The following PRORP variants were observed in gnomAD, a reference collection of about 807,000 sequenced individuals.
PRORP encodes protein only RNase P catalytic subunit.
Under a neutral mutation model 59.4 loss-of-function variants are expected in PRORP, and 51 were observed. That is an observed-to-expected ratio of 0.86 (90% CI 0.69 to 1.08). The LOEUF (loss-of-function observed/expected upper bound fraction) is 1.08, where lower values mean the gene tolerates loss of function less well. PRORP is among the 50% of genes least tolerant of loss of function. The pLI is 0.00. For synonymous variants in PRORP, 231 were observed against 245.6 expected, an observed-to-expected ratio of 0.94 and a Z score of 0.55; for missense variants, 646 against 690.3, an observed-to-expected ratio of 0.94 and a Z score of 0.72.
intron 4 of PRORP, among the ~76,000 whole-genome samples, chr14:35,173,681 C>T (rs777068546): frequency 1.3e-5 from 2 of 152,022 alleles, no homozygotes; most frequent in Admixed American, 6.6e-5. Flanking sequence ...TGCCCTCTGA[C>T]CAAGACAAAT....
chr14:35,178,812 G>A (rs1292351974), intron 4 of PRORP, among the ~76,000 whole-genome samples: 2 of 152,172 alleles, frequency 1.3e-5, no homozygotes, highest in Non-Finnish European at 2.9e-5. Context: ...TTGCTCATTA[G>A]TTGATGCAGT....
chr14:35,240,330 G>A (rs1160781452), intron 5 of PRORP, among the ~76,000 whole-genome samples: 24 of 103,244 alleles, frequency 2.3e-4, no homozygotes, highest in African/African-American at 6.6e-4. Flanking sequence ...AAATTTACCC[G>A]GGTGGGTTTT....
At chr14:35,165,822 G>C (rs2048170318) in intron 4 of PRORP, among the ~76,000 whole-genome samples, 1 of 152,030 alleles carries the variant, frequency 6.6e-6, no homozygotes, top group South Asian at 2.1e-4. Flanking sequence ...TGGGATTACA[G>C]GCACCTGCCA....
chr14:35,209,045 A>C (rs940022019), intron 5 of PRORP, among the ~76,000 whole-genome samples: 8 of 151,976 alleles, frequency 5.3e-5, no homozygotes, highest in Non-Finnish European at 1.2e-4. Context: ...AATAAAAATA[A>C]AAATAAATAA....
At chr14:35,184,421 G>C (rs2048693602) in intron 5 of PRORP, among the ~76,000 whole-genome samples, 1 of 152,100 alleles carries the variant, frequency 6.6e-6, no homozygotes, top group African/African-American at 2.4e-5. Flanking sequence ...CATTGCCTGG[G>C]TGTGTACAGA....
At chr14:35,219,464 AT>A (rs1042032759) in intron 5 of PRORP, among the ~76,000 whole-genome samples, 6 of 152,216 alleles carry the variant, frequency 3.9e-5, no homozygotes, top group African/African-American at 7.2e-5. Flanking sequence ...GACATGCAGC[AT>A]TTATGAAAAC....
intron 5 of PRORP, chr14:35,219,346 G>A (rs1354328767): frequency 1.3e-5 from 2 of 152,222 alleles, no homozygotes; most frequent in Non-Finnish European, 2.9e-5. Flanking sequence ...CCTCAGGGTG[G>A]GGCCTTCTGC....
At chr14:35,173,273 CA>C in intron 4 of PRORP, among the ~76,000 whole-genome samples, 1 of 152,168 alleles carries the variant, frequency 6.6e-6, no homozygotes, top group Non-Finnish European at 1.5e-5. Context: ...TTGTGAATGA[CA>C]CATTGCAGAG....
chr14:35,140,060 T>C (rs2047449981), intron 4 of PRORP, among the ~76,000 whole-genome samples: 1 of 145,828 alleles, frequency 6.9e-6, no homozygotes, highest in Non-Finnish European at 1.5e-5. Flanking sequence ...TAGCATGACC[T>C]TGTCTTATTT....
intron 5 of PRORP, among the ~76,000 whole-genome samples, chr14:35,198,599 A>G (rs1433055442): frequency 6.6e-6 from 1 of 152,244 alleles, no homozygotes; most frequent in African/African-American, 2.4e-5. Flanking sequence ...AAATTTTATA[A>G]TTATAATTTC....
In PRORP at chr14:35,275,695, T is replaced by A. The variant is rs2051284720; in HGVS notation, c.*2129T>A. On this transcript the variant is annotated 3_prime_UTR_variant, in exon 8 of 8. Transcript: ENST00000534898. ...TAGAGGAGGAGGCCGAAGTGGTGGCTCATACCTGTTAATTCCAGCACTTTG... is the reference window on the plus strand; with the variant it reads ...TAGAGGAGGAGGCCGAAGTGGTGGCACATACCTGTTAATTCCAGCACTTTG... 1 of 151,882 alleles carries A rather than the reference T, an allele frequency of 6.6e-6. No individual in the cohort carries two copies. The highest frequency in any genetic ancestry group is 2.4e-5 in the African/African-American group (1 of 41,308). 9.4% of individuals were successfully genotyped at this position (151,882 alleles called of 1,614,324 possible).
chr14:35,153,206 A>C (rs1368052321), intron 4 of PRORP, among the ~76,000 whole-genome samples: 1 of 152,232 alleles, frequency 6.6e-6, no homozygotes, highest in African/African-American at 2.4e-5. Flanking sequence ...CGGCCAACAC[A>C]GCGAAACCCC....
Position 35,130,650 on chromosome 14 carries a change from A to AT in PRORP, c.1167+3044dup, listed in dbSNP as rs1193977337. Among the ~76,000 whole-genome samples the AT allele has an allele frequency of 2.0e-5, 3 of 151,152 alleles. No homozygotes were observed. In the East Asian group the frequency reaches 5.9e-4, roughly 30 times the overall value. On this transcript the variant is annotated intron_variant, in intron 4 of 7. Coordinates refer to ENST00000534898, the MANE Select transcript of PRORP (RefSeq NM_014672.4). ...AGGTACCCTCCACCAGACCCGGCTA[A>AT]TTTTTGTATTTTTAGTAGAGACAGG...
intron 5 of PRORP, chr14:35,262,952 G>A (rs759213495): frequency 2.9e-5 from 46 of 1,597,844 alleles, no homozygotes; most frequent in Admixed American, 5.0e-5. Context: ...AGCAAGCCAC[G>A]ACAGTTAAAA....
At chr14:35,164,054 G>A (rs964970013) in intron 4 of PRORP, among the ~76,000 whole-genome samples, 1 of 152,006 alleles carries the variant, frequency 6.6e-6, no homozygotes, top group Admixed American at 6.5e-5. Context: ...TGTTTTTGTT[G>A]GCCTTGTCGA....
At chr14:35,220,721 A>G (rs1430323039) in intron 5 of PRORP, among the ~76,000 whole-genome samples, 1 of 149,706 alleles carries the variant, frequency 6.7e-6, no homozygotes, top group Admixed American at 6.6e-5. Context: ...AACACCTTTA[A>G]TTTTAATTAT....
At chr14:35,267,204 G>A (rs1031624591) in intron 6 of PRORP, among the ~76,000 whole-genome samples, 3 of 152,106 alleles carry the variant, frequency 2.0e-5, no homozygotes, top group African/African-American at 7.2e-5. Flanking sequence ...TTGACAAACA[G>A]GAGCACCTTC....
At chr14:35,262,027 CTAT>C (rs1286569622) in intron 5 of PRORP, among the ~76,000 whole-genome samples, 1 of 152,140 alleles carries the variant, frequency 6.6e-6, no homozygotes, top group Non-Finnish European at 1.5e-5. Flanking sequence ...CTTTAATGTA[CTAT>C]TAGTAAACTC....
intron 5 of PRORP, among the ~76,000 whole-genome samples, chr14:35,252,239 A>G (rs977221227): frequency 6.6e-5 from 10 of 152,062 alleles, no homozygotes; most frequent in African/African-American, 2.4e-4. Context: ...AGCTTGGGTA[A>G]CATGGTGAGA....
Sources: gnomAD v4.1 joint callset for allele counts (sites outside exome capture counted in the v4.1 genomes callset) on GRCh38, gnomAD v4.1.1 for gene constraint, MANE v1.5 for transcripts, NCBI Gene and HGNC (gene_info 2026-07-23, HGNC 2026-07-21) for gene names.